SCARA5: variants seen among roughly 807,000 people sequenced by gnomAD.
SCARA5 encodes the protein scavenger receptor class A, member 5 (putative).
A neutral mutation model predicts 46.3 loss-of-function variants in SCARA5; 45 were observed. The ratio of observed to expected loss-of-function variants is 0.97; its 90% CI spans 0.76 to 1.24. SCARA5 has a LOEUF of 1.24. Among genes scored for constraint, SCARA5 ranks in the 50% most tolerant of loss-of-function variants. The probability of loss-of-function intolerance (pLI) is 0.00; values close to 1 mark genes in which losing one functional copy is unlikely to be tolerated. For missense variants in SCARA5, 680 were observed against 689.0 expected (o/e 0.99, Z 0.15); for synonymous variants, 333 against 306.5 (o/e 1.09, Z -0.90).
chr8:27,933,900 G>C (rs1176656894), intron 3 of SCARA5, among the ~76,000 whole-genome samples: 1 of 152,082 alleles, frequency 6.6e-6, no homozygotes, highest in Non-Finnish European at 1.5e-5. Flanking sequence ...GTAAGTAGGG[G>C]AAAAAACCCA....
chr8:27,884,930 G>A (rs1806869881), intron 7 of SCARA5, among the ~76,000 whole-genome samples: 1 of 152,158 alleles, frequency 6.6e-6, no homozygotes, highest in African/African-American at 2.4e-5. Context: ...CACTATTGTG[G>A]GCAAGTGAAC....
intron 3 of SCARA5, among the ~76,000 whole-genome samples, chr8:27,960,036 C>T (rs928349179): frequency 3.3e-5 from 5 of 152,226 alleles, no homozygotes; most frequent in Non-Finnish European, 5.9e-5. Context: ...CATATGGACA[C>T]GTACTGCACT....
intron 4 of SCARA5, among the ~76,000 whole-genome samples, chr8:27,917,700 G>C (rs1161565932): frequency 6.6e-6 from 1 of 152,184 alleles, no homozygotes; most frequent in Admixed American, 6.5e-5. Context: ...TCGTGGTCTT[G>C]AATGTCTATT....
intron 3 of SCARA5, among the ~76,000 whole-genome samples, chr8:27,957,484 G>C (rs1808223932): frequency 6.6e-6 from 1 of 152,206 alleles, no homozygotes; most frequent in South Asian, 2.1e-4. Context: ...TTAAGGATCA[G>C]GTAGGTTGAA....
At chr8:27,979,870 G>A (rs1217579908) in intron 2 of SCARA5, among the ~76,000 whole-genome samples, 1 of 152,130 alleles carries the variant, frequency 6.6e-6, no homozygotes, top group Non-Finnish European at 1.5e-5. Context: ...CCCAGAACCT[G>A]TCTTTTTAAG....
rs372078567 is a variant in SCARA5 at position 27,944,035 on chromosome 8, C to A, written c.242-21790G>T. ...AAGTGTTACTGCCAAGAAGGTTTAA[C>A]CTACGTCAATCATGGGAAAACAATT... On this transcript the variant is annotated intron_variant, in intron 3 of 8. Transcript: ENST00000354914. 1.3e-5 allele frequency among the ~76,000 whole-genome samples: 2 copies of A among 152,164 alleles called. 1 individual carries two copies. The highest frequency in any genetic ancestry group is 6.3e-3 in the Middle Eastern group (2 of 316).
chr8:27,975,868 A>C (rs17058394), intron 2 of SCARA5, among the ~76,000 whole-genome samples: 2,759 of 152,148 alleles, frequency 0.018, 86 homozygotes, highest in African/African-American at 0.061. Flanking sequence ...ACCCACTTCT[A>C]AGTACAGGAG....
At chr8:27,968,423 C>G (rs983644917) in intron 2 of SCARA5, among the ~76,000 whole-genome samples, 1 of 152,228 alleles carries the variant, frequency 6.6e-6, no homozygotes, top group Non-Finnish European at 1.5e-5. Flanking sequence ...ATCTTTCTAA[C>G]TCACCCTAAA....
intron 3 of SCARA5, among the ~76,000 whole-genome samples, chr8:27,935,930 G>A (rs114751123): frequency 0.012 from 1,860 of 152,222 alleles, 48 homozygotes; most frequent in African/African-American, 0.042. Flanking sequence ...GTAATTTTTC[G>A]ATAAGCCCTT....
intron 1 of SCARA5, among the ~76,000 whole-genome samples, chr8:27,990,353 T>C (rs1585532357): frequency 6.6e-6 from 1 of 152,120 alleles, no homozygotes; most frequent in Non-Finnish European, 1.5e-5. Flanking sequence ...GCTGTTTTTC[T>C]TTCTTGGGGG....
intron 3 of SCARA5, among the ~76,000 whole-genome samples, chr8:27,947,708 T>TAAA (rs34760183): frequency 6.2e-5 from 7 of 112,878 alleles, no homozygotes; most frequent in East Asian, 2.6e-4. Flanking sequence ...GTGTCTCTAC[T>TAAA]AAAAAAAAAA....
At chr8:27,991,098 A>C (rs149673918) in intron 1 of SCARA5, among the ~76,000 whole-genome samples, 1 of 152,342 alleles carries the variant, frequency 6.6e-6, no homozygotes, top group East Asian at 1.9e-4. Context: ...GGGAACACAG[A>C]AGCCAAGGGC....
intron 3 of SCARA5, among the ~76,000 whole-genome samples, chr8:27,936,774 T>C (rs1319798470): frequency 1.3e-5 from 2 of 151,906 alleles, no homozygotes; most frequent in Non-Finnish European, 2.9e-5. Context: ...CGGATTTCCA[T>C]ATTAGGATGG....
At chr8:27,951,846 G>A (rs1424933775) in intron 3 of SCARA5, among the ~76,000 whole-genome samples, 1 of 152,194 alleles carries the variant, frequency 6.6e-6, no homozygotes, top group Non-Finnish European at 1.5e-5. Flanking sequence ...GAGAATTCCA[G>A]TCCCAGGTCC....
chr8:27,987,688 A>G (rs1490236634), intron 1 of SCARA5, 58 bp from the exon 2 acceptor site: 1 of 1,011,486 alleles, frequency 9.9e-7, no homozygotes, highest in Admixed American at 1.7e-5. Context: ...AGAGACAGAG[A>G]ATCAACTGTA....
At chr8:27,985,479 C>T (rs1343405595) in intron 2 of SCARA5, among the ~76,000 whole-genome samples, 3 of 152,202 alleles carry the variant, frequency 2.0e-5, no homozygotes, top group African/African-American at 2.4e-5. Context: ...CACAGCCATG[C>T]TTTGCCCAGC....
chr8:27,884,696 T>C (rs531222708), intron 7 of SCARA5, among the ~76,000 whole-genome samples: 11 of 152,224 alleles, frequency 7.2e-5, no homozygotes, highest in Non-Finnish European at 1.2e-4. Context: ...CTGGCCAGCC[T>C]GAACTCACTT....
chr8:27,972,487 G>C (rs1808463445), intron 2 of SCARA5, among the ~76,000 whole-genome samples: 1 of 152,200 alleles, frequency 6.6e-6, no homozygotes, highest in Non-Finnish European at 1.5e-5. Flanking sequence ...TCACAGTTCA[G>C]TGACATATTG....
chr8:27,929,374 G>T (rs922997175), intron 3 of SCARA5, among the ~76,000 whole-genome samples: 1 of 152,174 alleles, frequency 6.6e-6, no homozygotes, highest in Admixed American at 6.5e-5. Flanking sequence ...AATACATCAG[G>T]TGTCCCTACA....
Sources: allele counts gnomAD v4.1 joint callset (sites outside exome capture counted in the v4.1 genomes callset), GRCh38; gene constraint gnomAD v4.1.1; transcripts MANE v1.5; gene names NCBI Gene and HGNC (gene_info 2026-07-23, HGNC 2026-07-21).